Variants in IFT74 observed in about 807,000 individuals in gnomAD.
IFT74 encodes intraflagellar transport 74.
A neutral mutation model predicts 96.7 loss-of-function variants in IFT74; 92 were observed. That is an observed-to-expected ratio of 0.95 (90% CI 0.80 to 1.13). The LOEUF is 1.13. IFT74 is among the 50% of genes most tolerant of loss of function. The probability of loss-of-function intolerance (pLI) is 0.00; values close to 1 mark genes in which losing one functional copy is unlikely to be tolerated. For synonymous variants in IFT74, 223 were observed against 213.2 expected (o/e 1.05, Z -0.40); for missense variants, 811 against 698.2 (o/e 1.16, Z -1.82).
chr9:26,975,930 G>T (rs914747848), intron 2 of IFT74, among the ~76,000 whole-genome samples: 5 of 151,802 alleles, frequency 3.3e-5, no homozygotes, highest in African/African-American at 1.2e-4. Context: ...GTGACCACGG[G>T]ACCGTGCAGA....
At chr9:26,948,941 AT>A (rs546125562) in intron 1 of IFT74, among the ~76,000 whole-genome samples, 63 of 149,048 alleles carry the variant, frequency 4.2e-4, no homozygotes, top group Non-Finnish European at 1.3e-4. Flanking sequence ...TTGTACATGC[AT>A]TTTTTTTTTA....
chr9:26,999,245 T>C (rs1181055593), intron 8 of IFT74, among the ~76,000 whole-genome samples: 1 of 152,218 alleles, frequency 6.6e-6, no homozygotes, highest in Non-Finnish European at 1.5e-5. Context: ...AGAATAGTTC[T>C]GGTTTATTAC....
chr9:26,995,793 G>T, intron 8 of IFT74: 1 of 1,613,262 alleles, frequency 6.2e-7, no homozygotes, highest in South Asian at 1.1e-5. Flanking sequence ...GAAGTCGTCA[G>T]TACAGTGACA....
At chr9:26,957,833 GC>G (rs1272928608) in intron 1 of IFT74, among the ~76,000 whole-genome samples, 4 of 151,392 alleles carry the variant, frequency 2.6e-5, no homozygotes, top group Admixed American at 2.6e-4. Context: ...TTGCTCAGTC[GC>G]CCAGGCTGGA....
chr9:26,977,813 A>C lies in IFT74; in HGVS notation c.121-315A>C, dbSNP rs117998914. ...TTAAACTGCCCTTTTTATATACTGCAGCTTATTTAACCATTTTCTGCTGTG... is the reference window on the plus strand; with the variant it reads ...TTAAACTGCCCTTTTTATATACTGCCGCTTATTTAACCATTTTCTGCTGTG... On this transcript the variant is annotated intron_variant, in intron 2 of 19. Coordinates refer to ENST00000380062, the MANE Select transcript of IFT74 (RefSeq NM_025103.4). 5.3e-5 allele frequency among the ~76,000 whole-genome samples: 8 copies of C among 152,304 alleles called. No homozygotes were observed. In the East Asian group the frequency reaches 1.5e-3, roughly 29 times the overall value.
intron 13 of IFT74, among the ~76,000 whole-genome samples, chr9:27,034,779 C>T (rs1563991630): frequency 1.3e-5 from 2 of 152,216 alleles, no homozygotes; most frequent in Non-Finnish European, 2.9e-5. Context: ...ATCTGCCTGC[C>T]TTGGCCTCCC....
chr9:26,995,700 C>T, intron 8 of IFT74: 1 of 1,613,886 alleles, frequency 6.2e-7, no homozygotes, highest in Non-Finnish European at 8.5e-7. Context: ...GTTTCTGCTT[C>T]ATGCTCTTCC....
intron 12 of IFT74, among the ~76,000 whole-genome samples, chr9:27,023,769 T>A (rs1488066021): frequency 6.6e-6 from 1 of 152,136 alleles, no homozygotes; most frequent in East Asian, 1.9e-4. Context: ...GAACATAACT[T>A]CTTTGGCCTG....
intron 8 of IFT74, among the ~76,000 whole-genome samples, chr9:26,998,770 G>C (rs1305489813): frequency 6.6e-6 from 1 of 151,520 alleles, no homozygotes; most frequent in Non-Finnish European, 1.5e-5. Flanking sequence ...GGTTACCTGA[G>C]GTCAGGAGTT....
chr9:27,053,991 G>A (rs1393465267), intron 16 of IFT74, among the ~76,000 whole-genome samples: 2 of 152,154 alleles, frequency 1.3e-5, no homozygotes, highest in African/African-American at 4.8e-5. Flanking sequence ...TTGTATTTAC[G>A]TGTACATACA....
chr9:27,015,577 C>T (rs1829299617), intron 10 of IFT74, among the ~76,000 whole-genome samples: 1 of 152,048 alleles, frequency 6.6e-6, no homozygotes, highest in Non-Finnish European at 1.5e-5. Context: ...GCGGAGTTTG[C>T]AGTGAGCCAA....
At chr9:26,954,630 C>A (rs1826024574), upstream of IFT74, among the ~76,000 whole-genome samples, 1 of 150,214 alleles carries the variant, frequency 6.7e-6, no homozygotes, top group Non-Finnish European at 1.5e-5. Context: ...GAGAAGACCT[C>A]TCTAATAAAA....
chr9:27,029,033 A>G lies in IFT74; in HGVS notation c.983A>G (p.Asp328Gly). Residue 328 changes from aspartate to glycine, a missense_variant, in exon 13 of 20, where the codon GAT becomes GGT. By Grantham distance (94) the Asp-to-Gly change is moderately conservative. Transcript: ENST00000380062. ...AAAAATATTTTCAACAGGTTAACAG[A>G]TACAAAAGAAAAGATAAATCAGTTT... Reference protein sequence around the residue: ...EIASMERQLTDTKEKINQFIE... With the variant: ...EIASMERQLTGTKEKINQFIE... The G allele has an allele frequency of 2.5e-6, 4 of 1,595,180 alleles. No homozygotes were observed. Among genetic ancestry groups the G allele is most frequent in the Non-Finnish European group, 3.4e-6 (4 of 1,168,754 alleles).
chr9:26,964,563 C>T (rs1047488246), intron 2 of IFT74, among the ~76,000 whole-genome samples: 3 of 152,062 alleles, frequency 2.0e-5, no homozygotes, highest in Non-Finnish European at 4.4e-5. Context: ...GCAGTATGGC[C>T]ATTTTCATGA....
At chr9:26,974,001 C>T (rs1826987824) in intron 2 of IFT74, among the ~76,000 whole-genome samples, 1 of 152,130 alleles carries the variant, frequency 6.6e-6, no homozygotes, top group African/African-American at 2.4e-5. Context: ...ACATTTGTAA[C>T]ATTTATCTTG....
intron 12 of IFT74, among the ~76,000 whole-genome samples, chr9:27,026,024 A>G (rs1300273906): frequency 6.6e-6 from 1 of 152,210 alleles, no homozygotes; most frequent in Admixed American, 6.5e-5. Context: ...CAAATGCTCC[A>G]CTTAAATATA....
At chr9:26,997,741 T>G in intron 8 of IFT74, 1 of 1,601,928 alleles carries the variant, frequency 6.2e-7, no homozygotes, top group Non-Finnish European at 8.5e-7. Flanking sequence ...ATGTCACATT[T>G]GATGTGTTCA....
intron 2 of IFT74, among the ~76,000 whole-genome samples, chr9:26,964,871 C>T (rs957404537): frequency 5.9e-5 from 9 of 152,026 alleles, no homozygotes; most frequent in African/African-American, 2.2e-4. Context: ...TGTTAAAGAG[C>T]TTAATATAAG....
chr9:27,059,722 G>A (rs1290231056), intron 18 of IFT74, among the ~76,000 whole-genome samples: 2 of 152,124 alleles, frequency 1.3e-5, no homozygotes, highest in African/African-American at 4.8e-5. Context: ...TATCTCTTTG[G>A]AGGAAACAAT....
Sources: allele counts gnomAD v4.1 joint callset (sites outside exome capture counted in the v4.1 genomes callset), GRCh38; gene constraint gnomAD v4.1.1; transcripts MANE v1.5; gene names NCBI Gene and HGNC (gene_info 2026-07-23, HGNC 2026-07-21).